Variants in THRB observed in about 807,000 individuals in gnomAD.
The protein encoded by THRB is nuclear receptor subfamily 1 group A member 2.
THRB carries 12 observed loss-of-function variants against 47.8 expected under a neutral mutation model. The ratio of observed to expected loss-of-function variants is 0.25; its 90% CI spans 0.16 to 0.41. The LOEUF (loss-of-function observed/expected upper bound fraction) is 0.41, where lower values mean the gene tolerates loss of function less well. Among genes scored for constraint, THRB ranks in the 10% least tolerant of loss-of-function variants. The pLI is 1.00. For missense variants in THRB, 348 were observed against 589.2 expected, an observed-to-expected ratio of 0.59 and a Z score of 4.24; for synonymous variants, 218 against 212.2, an observed-to-expected ratio of 1.03 and a Z score of -0.24.
chr3:24,284,132 G>C (rs931921143), intron 3 of THRB, among the ~76,000 whole-genome samples: 3 of 146,814 alleles, frequency 2.0e-5, no homozygotes, highest in East Asian at 2.0e-4. Context: ...AGTCAATCCT[G>C]AGCCAAAAGA....
intron 4 of THRB, among the ~76,000 whole-genome samples, chr3:24,225,143 T>A (rs532740193): frequency 6.6e-6 from 1 of 152,272 alleles, no homozygotes; most frequent in East Asian, 1.9e-4. Context: ...CAACCTCAGT[T>A]GTCATAAGGG....
chr3:24,147,541 C>T (rs1443994266), intron 6 of THRB, among the ~76,000 whole-genome samples: 4 of 152,162 alleles, frequency 2.6e-5, no homozygotes, highest in Non-Finnish European at 4.4e-5. Context: ...ATGATTCTTC[C>T]TTTCTTAAGG....
rs1342341940 is a variant in THRB at position 24,471,165 on chromosome 3, CT to C, written c.-261+23486del. ...CCTCCCAGATTTGAGTAGAATTGTT[CT>C]TCTAATGCAGTGGTTTGTAGAAAGC... On this transcript the variant is annotated intron_variant, in intron 1 of 10. Coordinates refer to ENST00000646209, the MANE Select transcript of THRB (RefSeq NM_001354712.2). 4.1e-4 allele frequency among the ~76,000 whole-genome samples: 63 copies of C among 152,190 alleles called. 1 individual carries two copies. Among genetic ancestry groups the C allele is most frequent in the Admixed American group, 4.1e-3 (63 of 15,284 alleles).
chr3:24,443,276 T>C (rs891942662), intron 1 of THRB, among the ~76,000 whole-genome samples: 4 of 152,154 alleles, frequency 2.6e-5, no homozygotes, highest in African/African-American at 9.7e-5. Context: ...ATAGATGAAT[T>C]GATTAGAGAA....
At chr3:24,277,004 G>C (rs1016173962) in intron 3 of THRB, among the ~76,000 whole-genome samples, 5 of 152,188 alleles carry the variant, frequency 3.3e-5, no homozygotes, top group African/African-American at 7.2e-5. Flanking sequence ...AATGATTTAG[G>C]AGGAGGGGTA....
chr3:24,362,246 A>G (rs2064129948), intron 1 of THRB, among the ~76,000 whole-genome samples: 1 of 151,904 alleles, frequency 6.6e-6, no homozygotes, highest in African/African-American at 2.4e-5. Flanking sequence ...ATGTCTACCA[A>G]CTATCCACCC....
chr3:24,231,197 TACA>T (rs919530707), intron 3 of THRB, among the ~76,000 whole-genome samples: 7 of 152,234 alleles, frequency 4.6e-5, no homozygotes, highest in African/African-American at 1.7e-4. Context: ...AATATTAAAA[TACA>T]ACATTAATAC....
At chr3:24,207,341 T>A (rs1279267421) in intron 4 of THRB, among the ~76,000 whole-genome samples, 3 of 152,012 alleles carry the variant, frequency 2.0e-5, no homozygotes, top group African/African-American at 4.8e-5. Context: ...CTGGTTCAAC[T>A]TACGCAAATC....
chr3:24,238,263 A>ATGTG (rs3034410), intron 3 of THRB, among the ~76,000 whole-genome samples: 1 of 34,112 alleles, frequency 2.9e-5, no homozygotes, highest in African/African-American at 9.8e-5. Flanking sequence ...GTGTGTGTGT[A>ATGTG]TGTGTGTGTG....
Position 24,449,621 on chromosome 3 carries a change from T to G in THRB, c.-261+45031A>C, listed in dbSNP as rs113151225. On this transcript the variant is annotated intron_variant, in intron 1 of 10. Transcript: ENST00000646209. ...GTCATGTTAATGGTTTTCTGCATAATGCTTGTCTGTATGGTTTAGGGATAT... is the reference window on the plus strand; with the variant it reads ...GTCATGTTAATGGTTTTCTGCATAAGGCTTGTCTGTATGGTTTAGGGATAT... Among the ~76,000 whole-genome samples, 1,445 of 152,316 alleles carry G rather than the reference T, an allele frequency of 9.5e-3. 26 individuals are homozygous for G. The highest frequency in any genetic ancestry group is 0.033 in the African/African-American group (1,382 of 41,572).
At chr3:24,203,827 T>G (rs990090612) in intron 4 of THRB, among the ~76,000 whole-genome samples, 1 of 152,230 alleles carries the variant, frequency 6.6e-6, no homozygotes, top group Non-Finnish European at 1.5e-5. Context: ...ACTTTTCCAA[T>G]GGCCTTAGCA....
At chr3:24,228,245 T>C (rs946535599) in intron 4 of THRB, among the ~76,000 whole-genome samples, 6 of 152,182 alleles carry the variant, frequency 3.9e-5, no homozygotes, top group Non-Finnish European at 8.8e-5. Flanking sequence ...GCTCTATAAA[T>C]TGCACAAAGA....
At chr3:24,267,035 TAAATA>T (rs1286938833) in intron 3 of THRB, among the ~76,000 whole-genome samples, 2 of 151,432 alleles carry the variant, frequency 1.3e-5, no homozygotes, top group East Asian at 1.9e-4. Flanking sequence ...AATACTTAAT[TAAATA>T]AAATAAGATT....
chr3:24,279,037 G>A (rs1484902004), intron 3 of THRB, among the ~76,000 whole-genome samples: 4 of 152,020 alleles, frequency 2.6e-5, no homozygotes, highest in Admixed American at 2.6e-4. Context: ...TAGAGATGGG[G>A]CCTCACTATA....
At chr3:24,143,404 G>A (rs567232805) in intron 8 of THRB, 97 bp downstream of exon 8, 2 of 1,201,708 alleles carry the variant, frequency 1.7e-6, no homozygotes, top group African/African-American at 1.5e-5. Context: ...GTAAAATGAG[G>A]CAATAACACC....
chr3:24,186,321 G>A (rs1053906291), intron 5 of THRB, among the ~76,000 whole-genome samples: 3 of 151,996 alleles, frequency 2.0e-5, no homozygotes, highest in East Asian at 3.9e-4. Flanking sequence ...TGGATATATC[G>A]TCTCAGACTG....
intron 1 of THRB, among the ~76,000 whole-genome samples, chr3:24,360,081 A>T (rs73825629): frequency 0.05 from 7,669 of 152,270 alleles, 684 homozygotes; most frequent in African/African-American, 0.17. Context: ...GATGTGCTCC[A>T]GTAATCCCCT....
At chr3:24,219,209 C>G (rs1050951117) in intron 4 of THRB, among the ~76,000 whole-genome samples, 4 of 152,112 alleles carry the variant, frequency 2.6e-5, no homozygotes, top group African/African-American at 7.2e-5. Context: ...TCTGGGAGGT[C>G]TCCTTGGGAG....
intron 4 of THRB, among the ~76,000 whole-genome samples, chr3:24,204,600 C>T (rs1265482165): frequency 1.3e-5 from 2 of 152,226 alleles, no homozygotes; most frequent in East Asian, 3.8e-4. Flanking sequence ...GAGCTCCTCT[C>T]CCCCTCCAAA....
Sources: gnomAD v4.1 joint callset for allele counts (sites outside exome capture counted in the v4.1 genomes callset) on GRCh38, gnomAD v4.1.1 for gene constraint, MANE v1.5 for transcripts, NCBI Gene and HGNC (gene_info 2026-07-23, HGNC 2026-07-21) for gene names.